The following CACNA2D1 variants were observed in gnomAD, a reference collection of about 807,000 sequenced individuals.
CACNA2D1 encodes the protein calcium voltage-gated channel auxiliary subunit alpha2delta 1, also known as voltage-dependent calcium channel subunit alpha-2/delta-1.
In CACNA2D1, 53 loss-of-function variants were observed where a neutral mutation model predicts 171.5. The ratio of observed to expected loss-of-function variants is 0.31; its 90% CI spans 0.25 to 0.39. The LOEUF (loss-of-function observed/expected upper bound fraction) is 0.39, where lower values mean the gene tolerates loss of function less well. Ranked by LOEUF, CACNA2D1 falls within the 10% of genes least tolerant of loss-of-function variation. The pLI is 1.00. For missense variants in CACNA2D1, 903 were observed against 1,299.8 expected (o/e 0.69, Z 4.69); for synonymous variants, 442 against 443.1 (o/e 1.00, Z 0.03).
rs531271195 is a variant in CACNA2D1, at chr7:82,011,114, T to C, written c.1362+1040A>G. ...TTTGGAGGGAAAATACTTTGTTGTG[T>C]GTGGTAGGCATTTTCCTCTGCATTA... is the stretch of plus-strand genomic sequence containing the variant. On this transcript the variant is annotated intron_variant, in intron 15 of 38. Coordinates refer to ENST00000356860, the MANE Select transcript of CACNA2D1 (RefSeq NM_000722.4). 9.2e-5 allele frequency among the ~76,000 whole-genome samples: 14 copies of C among 152,272 alleles called. No individual in the cohort carries two copies. The South Asian group carries it at 2.9e-3, about 32-fold the overall frequency.
At chr7:82,256,913 G>A (rs915922452) in intron 3 of CACNA2D1, among the ~76,000 whole-genome samples, 10 of 152,052 alleles carry the variant, frequency 6.6e-5, no homozygotes, top group African/African-American at 2.4e-4. Context: ...TATTGTCACT[G>A]GAAATAATAT....
At chr7:82,360,036 T>G (rs1820910131) in intron 1 of CACNA2D1, among the ~76,000 whole-genome samples, 1 of 152,196 alleles carries the variant, frequency 6.6e-6, no homozygotes, top group Non-Finnish European at 1.5e-5. Flanking sequence ...ACAAAATTAG[T>G]AAGTGGCAGA....
intron 4 of CACNA2D1, among the ~76,000 whole-genome samples, chr7:82,168,454 T>C (rs1023156841): frequency 6.6e-6 from 1 of 152,128 alleles, no homozygotes; most frequent in South Asian, 2.1e-4. Context: ...AAGTGGCTTT[T>C]TCTTAGAAAT....
At chr7:82,407,795 T>C (rs1053655722) in intron 1 of CACNA2D1, among the ~76,000 whole-genome samples, 3 of 152,104 alleles carry the variant, frequency 2.0e-5, no homozygotes, top group African/African-American at 7.2e-5. Flanking sequence ...GTTCAATAAA[T>C]CATTTTTGAA....
intron 12 of CACNA2D1, among the ~76,000 whole-genome samples, chr7:82,023,449 A>G (rs1159405693): frequency 6.6e-6 from 1 of 151,814 alleles, no homozygotes; most frequent in Non-Finnish European, 1.5e-5. Flanking sequence ...CAGCTCTCCA[A>G]TTGTAACTCA....
At position 81,978,756 on chromosome 7, in the gene CACNA2D1, T is replaced by TGC. The variant is rs1796122969; in HGVS notation, c.1955+3810_1955+3811insGC. 7.5e-5 allele frequency among the ~76,000 whole-genome samples: 8 copies of TGC among 106,302 alleles called. No individual in the cohort carries two copies. In the South Asian group the frequency reaches 2.4e-3, roughly 32 times the overall value. 69.7% of individuals were successfully genotyped at this position (106,302 alleles called of 152,430 possible). On this transcript the variant is annotated intron_variant, in intron 24 of 38. Transcript: ENST00000356860. Reference sequence around the variant, plus strand: ...AAGTAAATTTTTTTTAAAAAGTGTATATATATATATATATACACACACACA... The same window carrying TGC: ...AAGTAAATTTTTTTTAAAAAGTGTATGCATATATATATATATACACACACACA...
chr7:82,273,783 C>T (rs1053840886), intron 3 of CACNA2D1, among the ~76,000 whole-genome samples: 2 of 152,012 alleles, frequency 1.3e-5, no homozygotes, highest in African/African-American at 2.4e-5. Context: ...GATGTATTTG[C>T]GCCTGCATAC....
chr7:82,275,196 G>A (rs1809169282), intron 3 of CACNA2D1, among the ~76,000 whole-genome samples: 1 of 151,258 alleles, frequency 6.6e-6, no homozygotes, highest in Admixed American at 6.6e-5. Context: ...AGTGATAAAA[G>A]ATCAAAATTT....
intron 3 of CACNA2D1, among the ~76,000 whole-genome samples, chr7:82,218,825 C>G (rs528415576): frequency 6.6e-6 from 1 of 152,212 alleles, no homozygotes; most frequent in Admixed American, 6.5e-5. Context: ...TTAAAACACA[C>G]TGATCTATCT....
chr7:82,233,609 A>G (rs972311729), intron 3 of CACNA2D1, among the ~76,000 whole-genome samples: 2 of 152,140 alleles, frequency 1.3e-5, no homozygotes, highest in African/African-American at 4.8e-5. Flanking sequence ...GAAAATAGTA[A>G]TATCAAATTG....
intron 3 of CACNA2D1, among the ~76,000 whole-genome samples, chr7:82,223,885 T>C (rs1802052360): frequency 6.6e-6 from 1 of 152,196 alleles, no homozygotes; most frequent in Non-Finnish European, 1.5e-5. Context: ...AGGGCTGACA[T>C]GAAGACTCCA....
chr7:82,002,101 T>C (rs989216494), intron 18 of CACNA2D1, among the ~76,000 whole-genome samples: 1 of 150,970 alleles, frequency 6.6e-6, no homozygotes. Flanking sequence ...AATATAAATA[T>C]TTTTAATGTC....
At chr7:82,120,405 C>T (rs950888845) in intron 5 of CACNA2D1, among the ~76,000 whole-genome samples, 4 of 152,114 alleles carry the variant, frequency 2.6e-5, no homozygotes, top group Admixed American at 6.6e-5. Flanking sequence ...TTTAAAGTCT[C>T]GATTACTATC....
intron 5 of CACNA2D1, among the ~76,000 whole-genome samples, chr7:82,123,093 C>T (rs1195052780): frequency 6.6e-6 from 1 of 152,136 alleles, no homozygotes; most frequent in Non-Finnish European, 1.5e-5. Context: ...GCAAAAGGAG[C>T]ATGTGCCCAA....
chr7:81,959,701 C>A lies in CACNA2D1; in HGVS notation c.3076+19G>T, dbSNP rs778772684. 1 of 1,606,624 alleles carries A rather than the reference C, an allele frequency of 6.2e-7. No homozygotes were observed. The highest frequency in any genetic ancestry group is 8.5e-7 in the Non-Finnish European group (1 of 1,174,848). On this transcript the variant is annotated intron_variant, in intron 37 of 38. Transcript: ENST00000356860. ...TAAGATGGTTTTCCTTTCCAGATAG[C>A]TCTGATGTCAAAGGATACAAGTCTG...
chr7:82,336,161 A>G (rs1817969149), intron 2 of CACNA2D1, among the ~76,000 whole-genome samples: 1 of 152,162 alleles, frequency 6.6e-6, no homozygotes, highest in Non-Finnish European at 1.5e-5. Flanking sequence ...TTACTGTCTT[A>G]TGAGAAGTGA....
chr7:82,123,981 C>T (rs542385184), intron 5 of CACNA2D1, among the ~76,000 whole-genome samples: 2 of 151,664 alleles, frequency 1.3e-5, no homozygotes, highest in Admixed American at 6.6e-5. Context: ...CTATTATTAC[C>T]CAATCCAAAC....
At chr7:82,053,150 G>T (rs1269001809) in intron 10 of CACNA2D1, among the ~76,000 whole-genome samples, 1 of 151,444 alleles carries the variant, frequency 6.6e-6, no homozygotes, top group Non-Finnish European at 1.5e-5. Flanking sequence ...TACTCAGGAG[G>T]CTGAGGCAGG....
At chr7:82,215,389 T>C (rs573525290) in intron 3 of CACNA2D1, among the ~76,000 whole-genome samples, 1 of 152,302 alleles carries the variant, frequency 6.6e-6, no homozygotes, top group South Asian at 2.1e-4. Context: ...TGGCTTTCTG[T>C]GCAGTAAACA....
Sources: gnomAD v4.1 joint callset for allele counts (sites outside exome capture counted in the v4.1 genomes callset) on GRCh38, gnomAD v4.1.1 for gene constraint, MANE v1.5 for transcripts, NCBI Gene and HGNC (gene_info 2026-07-23, HGNC 2026-07-21) for gene names.